The following SPIC variants were observed in gnomAD, a reference collection of about 807,000 sequenced individuals.
The protein encoded by SPIC is Spi-C transcription factor.
SPIC carries 9 observed loss-of-function variants against 16.7 expected under a neutral mutation model. The observed-to-expected ratio is 0.54, with a 90% confidence interval of 0.33 to 0.94. The LOEUF (loss-of-function observed/expected upper bound fraction) is 0.94, where lower values mean the gene tolerates loss of function less well. Ranked by LOEUF, SPIC falls within the 40% of genes least tolerant of loss-of-function variation. SPIC has a pLI of 0.03. For missense variants in SPIC, 241 were observed against 285.8 expected (o/e 0.84, Z 1.13); for synonymous variants, 97 against 102.9 (o/e 0.94, Z 0.35).
At chr12:101,486,279 C>A in intron 5 of SPIC, 65 bp from the exon 6 acceptor site, 2 of 1,494,388 alleles carry the variant, frequency 1.3e-6, no homozygotes, top group East Asian at 2.3e-5. Context: ...CTCAACAAAC[C>A]CTTTCTGAGG....
chr12:101,478,077 G>C (rs1446645579), intron 3 of SPIC, among the ~76,000 whole-genome samples: 1 of 149,102 alleles, frequency 6.7e-6, no homozygotes, highest in African/African-American at 2.5e-5. Context: ...TGTCGCCCAG[G>C]CTGGCGTGCA....
chr12:101,479,648 G>A lies in SPIC; in HGVS notation c.164G>A (p.Gly55Glu), dbSNP rs1873125020. Reference protein sequence around the residue: ...PHVKGNSSCYGVLPTEEPVYN... With the variant: ...PHVKGNSSCYEVLPTEEPVYN... ...GTCAAAGGAAATTCCAGCTGCTATG[G>A]AGTGTTGCCTACAGAGGAGCCTGTC... Residue 55 changes from glycine (G) to glutamate (E), a missense_variant, in exon 4 of 6, where the codon GGA becomes GAA. Gly to Glu is a moderately conservative substitution (Grantham distance 98). Transcript: ENST00000551346. 6.2e-7 allele frequency: 1 copy of A among 1,613,500 alleles called. No homozygotes were observed. The highest frequency in any genetic ancestry group is 1.1e-5 in the South Asian group (1 of 91,072).
chr12:101,482,898 A>G lies in SPIC; in HGVS notation c.317A>G (p.Lys106Arg), dbSNP rs1207307902. 1.2e-6 allele frequency: 2 copies of G among 1,613,416 alleles called. No homozygotes were observed. Among genetic ancestry groups the G allele is most frequent in the Non-Finnish European group, 8.5e-7 (1 of 1,179,476 alleles). Residue 106 changes from lysine to arginine, a missense_variant and splice_region_variant, in exon 5 of 6, where the codon AAA (lysine) becomes AGA (arginine). By Grantham distance (26) the Lys-to-Arg change is conservative (BLOSUM62 2). Transcript: ENST00000551346. Reference sequence around the variant, plus strand: ...ACTCTTCTCCAGCAAAAGGGGGGAAAAGGTACGTTGATCCATCATTCGTTA... The same window carrying G: ...ACTCTTCTCCAGCAAAAGGGGGGAAGAGGTACGTTGATCCATCATTCGTTA... ...QPTLLQQKGG[K>R]GRKKLRLFEY...
chr12:101,482,301 C>T (rs1258868130), intron 4 of SPIC, among the ~76,000 whole-genome samples: 7 of 151,242 alleles, frequency 4.6e-5, no homozygotes, highest in Non-Finnish European at 2.9e-5. Context: ...AACTCCTGGG[C>T]TCAAGTGATT....
intron 3 of SPIC, among the ~76,000 whole-genome samples, chr12:101,478,094 C>T (rs570849615): frequency 1.8e-3 from 270 of 146,908 alleles, no homozygotes; most frequent in African/African-American, 6.3e-3. Flanking sequence ...TGCAGTGGCG[C>T]GATCTCGGCT....
rs1565831064 is a variant in SPIC, at chr12:101,479,207, A to AGAAG, written c.98-372_98-371insGGAA. Among the ~76,000 whole-genome samples, 62 of 129,160 alleles carry AGAAG rather than the reference A, an allele frequency of 4.8e-4. 2 individuals carry two copies. The highest frequency in any genetic ancestry group is 7.5e-4 in the Non-Finnish European group (45 of 60,224). The allele number at this position is 129,160 out of a possible 152,430, so 84.7% of individuals were successfully genotyped here. On this transcript the variant is annotated intron_variant, in intron 3 of 5. Transcript: ENST00000551346. ...AAGAAAGAAAGAAAGAAAGAAAGAA[A>AGAAG]GAAAGAAAGAAAGAAGGAAAGAAAG...
chr12:101,479,547 G>C (rs1565831440), intron 3 of SPIC, 35 bp from the exon 4 acceptor site: 1 of 1,547,614 alleles, frequency 6.5e-7, no homozygotes, highest in Admixed American at 1.7e-5. Context: ...TACAAACTTT[G>C]ACTTTTTTAG....
intron 5 of SPIC, among the ~76,000 whole-genome samples, chr12:101,484,382 A>C (rs941158560): frequency 1.4e-4 from 22 of 151,796 alleles, no homozygotes; most frequent in Non-Finnish European, 2.6e-4. Flanking sequence ...AAAAATAAAA[A>C]AAATTTAGCC....
chr12:101,480,974 C>T (rs1873169945), intron 4 of SPIC, among the ~76,000 whole-genome samples: 1 of 152,188 alleles, frequency 6.6e-6, no homozygotes, highest in Non-Finnish European at 1.5e-5. Flanking sequence ...TACTTCAGCT[C>T]CCATTTTCTA....
intron 5 of SPIC, among the ~76,000 whole-genome samples, chr12:101,484,752 C>A (rs997999441): frequency 1.3e-5 from 2 of 151,442 alleles, no homozygotes; most frequent in East Asian, 3.9e-4. Context: ...AGGCAGATCA[C>A]TCGAGGTCAG....
Position 101,486,553 on chromosome 12 carries a change from GGAA to G in SPIC, c.534_536del (p.Arg178del). 6.2e-7 allele frequency: 1 copy of G among 1,614,130 alleles called. No homozygotes were observed. Among genetic ancestry groups the G allele is most frequent in the East Asian group, 2.2e-5 (1 of 44,874 alleles). On this transcript the variant is annotated inframe_deletion, in exon 6 of 6. Coordinates refer to ENST00000551346, the MANE Select transcript of SPIC (RefSeq NM_152323.3). Reference sequence around the variant, plus strand: ...AATGGCCAGGGCACTCAGAAATTACGGAAGAAGTGGGGAAATTACCAAAATCCG... The same window carrying G: ...AATGGCCAGGGCACTCAGAAATTACGGAAGTGGGGAAATTACCAAAATCCG...
chr12:101,479,303 AGAAAAAAGAAAG>A (rs1565831330), intron 3 of SPIC, among the ~76,000 whole-genome samples: 7 of 34,986 alleles, frequency 2.0e-4, no homozygotes, highest in Admixed American at 1.2e-3. Context: ...AAAGAAAGAA[AGAAAAAAGAAAG>A]AAAGAAAGAA....
rs1242052392 is a variant in SPIC, at chr12:101,486,333, C to T, written c.320-11C>T. 3.1e-6 allele frequency: 5 copies of T among 1,592,838 alleles called. No homozygotes were observed. Among genetic ancestry groups the T allele is most frequent in the African/African-American group, 1.4e-5 (1 of 73,786 alleles). ...CACGGTGGAGTTTGACCTTGTTTCC[C>T]TTCATTTTAGGCAGGAAGAAGCTCC... On this transcript the variant is annotated splice_polypyrimidine_tract_variant and intron_variant, in intron 5 of 5. Transcript: ENST00000551346.
chr12:101,479,484 G>C, intron 3 of SPIC, 98 bp from the exon 4 acceptor site: 3 of 835,028 alleles, frequency 3.6e-6, no homozygotes, highest in Admixed American at 5.0e-5. Flanking sequence ...ACATAGATGA[G>C]AGCAATTGCA....
At chr12:101,479,818 C>CTTTT (rs35835395) in intron 4 of SPIC, 124 bp downstream of exon 4, 66 of 363,350 alleles carry the variant, frequency 1.8e-4, no homozygotes, top group South Asian at 4.5e-4. Flanking sequence ...TTTTTTCTTT[C>CTTTT]TTTTTTTTTT....
At position 101,479,734 on chromosome 12, in the gene SPIC, T is replaced by C. The variant is rs370504483; in HGVS notation, c.210+40T>C. 75 of 1,443,052 alleles carry C rather than the reference T, an allele frequency of 5.2e-5. No homozygotes were observed. In the African/African-American group the frequency reaches 9.0e-4, roughly 17 times the overall value. The allele number at this position is 1,443,052 out of a possible 1,614,324, so 89.4% of individuals were successfully genotyped here. A position where few individuals can be genotyped will look rare whatever the true frequency, so the allele number is the denominator to read the frequency against. ...ATCCCTTAATAACAGGCAAATATCC[T>C]ATTCTTGCCAGCCTTCCATTTCACA... On this transcript the variant is annotated intron_variant, in intron 4 of 5. Coordinates refer to ENST00000551346, the MANE Select transcript of SPIC (RefSeq NM_152323.3).
At chr12:101,484,442 G>A (rs1232482978) in intron 5 of SPIC, among the ~76,000 whole-genome samples, 1 of 151,666 alleles carries the variant, frequency 6.6e-6, no homozygotes, top group Non-Finnish European at 1.5e-5. Flanking sequence ...AGGCTGAGGT[G>A]GGAGGATCAC....
chr12:101,476,892 T>C lies in SPIC; in HGVS notation c.-13T>C. The C allele has an allele frequency of 6.9e-7, 1 of 1,442,628 alleles. No individual in the cohort carries two copies. The highest frequency in any genetic ancestry group is 9.3e-7 in the Non-Finnish European group (1 of 1,078,036). The allele number at this position is 1,442,628 out of a possible 1,614,324, so 89.4% of individuals were successfully genotyped here. The stretch of plus-strand genomic sequence containing the variant: ...ATTGCTAAGGAACAGAATTGTCAAT[T>C]TATTAATGAAATATGGTAAGCTGAC... On this transcript the variant is annotated 5_prime_UTR_variant, in exon 2 of 6. Transcript: ENST00000551346.
At chr12:101,485,250 A>G (rs962980197) in intron 5 of SPIC, among the ~76,000 whole-genome samples, 1 of 152,228 alleles carries the variant, frequency 6.6e-6, no homozygotes, top group African/African-American at 2.4e-5. Flanking sequence ...CTGGCAGAGC[A>G]CAGTATTTAC....
Sources: gnomAD v4.1 joint callset for allele counts (sites outside exome capture counted in the v4.1 genomes callset) on GRCh38, gnomAD v4.1.1 for gene constraint, MANE v1.5 for transcripts, NCBI Gene and HGNC (gene_info 2026-07-23, HGNC 2026-07-21) for gene names.